NAT16: variants seen among roughly 807,000 people sequenced by gnomAD.
NAT16 encodes the protein N-acetyltransferase 16 (putative).
Under a neutral mutation model 15.9 loss-of-function variants are expected in NAT16, and 16 were observed. That is an observed-to-expected ratio of 1.01 (90% confidence interval 0.68 to 1.53). The LOEUF is 1.53. Among genes scored for constraint, NAT16 ranks in the 40% most tolerant of loss-of-function variants. The pLI, the probability that NAT16 is intolerant of heterozygous loss-of-function variation, is 0.00. For missense variants in NAT16, 572 were observed against 508.4 expected (o/e 1.13, Z -1.20); for synonymous variants, 260 against 241.9 (o/e 1.07, Z -0.69).
chr7:101,172,377 C>A lies in NAT16; in HGVS notation c.812G>T (p.Arg271Leu). The A allele has an allele frequency of 1.3e-6, 2 of 1,570,472 alleles. No homozygotes were observed. Among genetic ancestry groups the A allele is most frequent in the Non-Finnish European group, 1.7e-6 (2 of 1,161,228 alleles). The change falls in exon 4 of 4, where the codon CGC (arginine) becomes CTC (leucine). Residue 271 changes from arginine to leucine, a missense_variant. Arg to Leu is a moderately radical substitution (Grantham distance 102). Transcript: ENST00000300303. This position sits in a 1 kb window ranked among gnomAD's most constrained non-coding sequence, Gnocchi z 4.2. The stretch of plus-strand genomic sequence containing the variant: ...CAGCGTGAGCACGCGCGGGCGCGCG[C>A]GGCTGTCCACGCGCCACTCCAGGCC... ...AKGLEWRVDS[R>L]ARPRVLTLCT...
At position 101,172,410 on chromosome 7, in the gene NAT16, GC is replaced by G; in HGVS notation, c.778del (p.Ala260ArgfsTer97). On this transcript the variant is annotated frameshift_variant, in exon 4 of 4. Coordinates refer to ENST00000300303, the MANE Select transcript of NAT16 (RefSeq NM_198571.3). LOFTEE classifies it low-confidence loss of function (END_TRUNC). This position sits in a 1 kb window ranked among gnomAD's most constrained non-coding sequence, Gnocchi z 4.2. ...CACGCGCCACTCCAGGCCCTTGGCC[GC>G]CAGCAGGCGCAGGTTGCTTTCGCTA... ...RPSESNLRLL[A>X]AKGLEWRVDS... 6.3e-7 allele frequency: 1 copy of G among 1,578,604 alleles called. No individual in the cohort carries two copies. The highest frequency in any genetic ancestry group is 8.6e-7 in the Non-Finnish European group (1 of 1,165,392).
chr7:101,178,889 CAAA>C lies in NAT16; in HGVS notation c.-5+1150_-5+1152del, dbSNP rs71126381. On this transcript the variant is annotated intron_variant, in intron 1 of 3. Transcript: ENST00000300303. ...CTGGGCAACAAGAGTGAAACGCTGT[CAAA>C]AAAAAAAAAAAAAAAAAAGAGGAAT... 2.0e-3 allele frequency among the ~76,000 whole-genome samples: 126 copies of C among 62,088 alleles called. 1 individual carries two copies. Among genetic ancestry groups the C allele is most frequent in the African/African-American group, 9.4e-3 (113 of 12,084 alleles). 40.7% of individuals were successfully genotyped at this position (62,088 alleles called of 152,430 possible). A position where few individuals can be genotyped will look rare whatever the true frequency, so the allele number is the denominator to read the frequency against.
At position 101,174,705 on chromosome 7, in the gene NAT16, C is replaced by T; in HGVS notation, c.103G>A (p.Glu35Lys). 6.2e-7 allele frequency: 1 copy of T among 1,613,340 alleles called. No individual in the cohort carries two copies. The highest frequency in any genetic ancestry group is 1.1e-5 in the South Asian group (1 of 91,086). Residue 35 changes from glutamate to lysine, a missense_variant, in exon 2 of 4, where the codon GAG becomes AAG. By Grantham distance (56) the Glu-to-Lys change is moderately conservative. Transcript: ENST00000300303. ...AEPSSETRPQ[E>K]VEAEPRSGSG... Reference sequence around the variant, plus strand: ...CCCGACCTGGGCTCGGCCTCCACCTCCTGTGGCCGGGTTTCAGAGCTTGGC... The same window carrying T: ...CCCGACCTGGGCTCGGCCTCCACCTTCTGTGGCCGGGTTTCAGAGCTTGGC...
intron 3 of NAT16, among the ~76,000 whole-genome samples, chr7:101,173,082 A>C (rs1311918743): frequency 1.3e-5 from 2 of 152,048 alleles, no homozygotes; most frequent in African/African-American, 4.8e-5. Flanking sequence ...GTTGGGAAGT[A>C]AGGACTAGGG....
At position 101,171,694 on chromosome 7, in the gene NAT16, GA is replaced by G. The variant is rs1797324683; in HGVS notation, c.*384del. On this transcript the variant is annotated 3_prime_UTR_variant, in exon 4 of 4. Coordinates refer to ENST00000300303, the MANE Select transcript of NAT16 (RefSeq NM_198571.3). ...GAGTTCTTCCACCCACGAGGGGGCA[GA>G]AGGGAGAAGCCAGGAAAGGGGGAGT... is the stretch of plus-strand genomic sequence containing the variant. The G allele has an allele frequency of 5.2e-6, 1 of 194,014 alleles. No homozygotes were observed. The highest frequency in any genetic ancestry group is 1.0e-5 in the Non-Finnish European group (1 of 95,910). The allele number at this position is 194,014 out of a possible 1,614,324, so 12.0% of individuals were successfully genotyped here.
At chr7:101,175,636 A>C (rs1035962472) in intron 1 of NAT16, among the ~76,000 whole-genome samples, 1 of 128,794 alleles carries the variant, frequency 7.8e-6, no homozygotes, top group African/African-American at 2.6e-5. Context: ...AAAAAAAAAA[A>C]GAAGAAGAAG....
intron 2 of NAT16, 173 bp downstream of exon 2, chr7:101,174,323 G>C: frequency 2.4e-6 from 2 of 828,050 alleles, no homozygotes; most frequent in South Asian, 3.7e-5. Context: ...CACCCTCACT[G>C]ACATAGCCCC....
Position 101,172,752 on chromosome 7 carries a change from G to T in NAT16, c.538-101C>A, listed in dbSNP as rs116366199. 391 of 977,560 alleles carry T rather than the reference G, an allele frequency of 4.0e-4. No homozygotes were observed. In the African/African-American group the frequency reaches 4.6e-3, roughly 11 times the overall value. The allele number at this position is 977,560 out of a possible 1,614,324, so 60.6% of individuals were successfully genotyped here. On this transcript the variant is annotated intron_variant, in intron 3 of 3. Transcript: ENST00000300303. This position sits in a 1 kb window ranked among gnomAD's most constrained non-coding sequence, Gnocchi z 4.2. ...CTTCACTCCCACGTTCACGCCCACGGGCTCCCACCTGGGTCCCTCTGGAGG... is the reference window on the plus strand; with the variant it reads ...CTTCACTCCCACGTTCACGCCCACGTGCTCCCACCTGGGTCCCTCTGGAGG...
intron 1 of NAT16, among the ~76,000 whole-genome samples, chr7:101,179,503 G>T (rs1797545010): frequency 6.6e-6 from 1 of 150,678 alleles, no homozygotes; most frequent in African/African-American, 2.4e-5. Context: ...GGAAAAGAAA[G>T]TCAGAAAAAA....
At chr7:101,178,598 C>A (rs916739670) in intron 1 of NAT16, among the ~76,000 whole-genome samples, 2 of 149,336 alleles carry the variant, frequency 1.3e-5, no homozygotes, top group Non-Finnish European at 3.0e-5. Flanking sequence ...CTTGGCCGGG[C>A]GTGGTGGCTC....
Position 101,172,590 on chromosome 7 carries a change from G to GCCAGCCGCGCGC in NAT16, c.587_598dup (p.Gly196_Leu199dup). ...GAAGGTGCCAGAGGTCCGCAGCGCC[G>GCCAGCCGCGCGC]CCAGCCGCGCGCCCAGCCCGGCCAG... is the stretch of plus-strand genomic sequence containing the variant. On this transcript the variant is annotated inframe_insertion, in exon 4 of 4. Transcript: ENST00000300303. The surrounding 1 kb of genome is among the most constrained non-coding windows in gnomAD (Gnocchi z 4.2). 6.5e-7 allele frequency: 1 copy of GCCAGCCGCGCGC among 1,527,428 alleles called. No homozygotes were observed. Among genetic ancestry groups the GCCAGCCGCGCGC allele is most frequent in the Non-Finnish European group, 8.7e-7 (1 of 1,146,024 alleles). The allele number at this position is 1,527,428 out of a possible 1,614,324, so 94.6% of individuals were successfully genotyped here.
At chr7:101,179,843 G>C (rs538081020) in intron 1 of NAT16, among the ~76,000 whole-genome samples, 199 bp downstream of exon 1, 30 of 151,928 alleles carry the variant, frequency 2.0e-4, no homozygotes, top group African/African-American at 5.3e-4. Context: ...GGCAACAGAG[G>C]GGGGCGGGGG....
At chr7:101,175,505 A>G (rs2116730507) in intron 1 of NAT16, among the ~76,000 whole-genome samples, 1 of 150,486 alleles carries the variant, frequency 6.6e-6, no homozygotes, top group East Asian at 2.0e-4. Context: ...AGCTCTACCC[A>G]CCCCACTCTT....
intron 1 of NAT16, 80 bp from the exon 2 acceptor site, chr7:101,174,891 A>T: frequency 6.8e-7 from 1 of 1,467,270 alleles, no homozygotes; most frequent in South Asian, 1.5e-5. Context: ...AACGGTCCTA[A>T]TGCCCCTTCC....
chr7:101,172,211 G>T lies in NAT16; in HGVS notation c.978C>A (p.Gly326=). The change falls in exon 4 of 4, where the codon GGC becomes GGA. Residue 326 remains glycine (G), a synonymous_variant. Coordinates refer to ENST00000300303, the MANE Select transcript of NAT16 (RefSeq NM_198571.3). This position sits in a 1 kb window ranked among gnomAD's most constrained non-coding sequence, Gnocchi z 4.2. ...GGAAGAGCTGGCACATGACGTTGAG[G>T]CCAACGAGGCGCGGGGCCTGGCGCT... The part of the protein sequence containing the change: ...HLQRQAPRLV[G]LNVMCQLFLE... 6.2e-7 allele frequency: 1 copy of T among 1,613,734 alleles called. No homozygotes were observed. The highest frequency in any genetic ancestry group is 8.5e-7 in the Non-Finnish European group (1 of 1,179,870).
Position 101,174,486 on chromosome 7 carries a change from C to G in NAT16, c.312+10G>C. 1 of 1,605,376 alleles carries G rather than the reference C, an allele frequency of 6.2e-7. No individual in the cohort carries two copies. Among genetic ancestry groups the G allele is most frequent in the Non-Finnish European group, 8.5e-7 (1 of 1,176,458 alleles). On this transcript the variant is annotated intron_variant, in intron 2 of 3. Transcript: ENST00000300303. Reference sequence around the variant, plus strand: ...ACCCCATGTCACCTGGGCCGTGCCCCCGGGCTCACCACGCCTCCGTTGCGC... The same window carrying G: ...ACCCCATGTCACCTGGGCCGTGCCCGCGGGCTCACCACGCCTCCGTTGCGC...
chr7:101,179,473 T>C (rs1584226546), intron 1 of NAT16, among the ~76,000 whole-genome samples: 1 of 124,778 alleles, frequency 8.0e-6, no homozygotes, highest in Non-Finnish European at 1.7e-5. Flanking sequence ...CGGGGATCCG[T>C]GGAGGGGAAG....
chr7:101,174,510 G>C lies in NAT16; in HGVS notation c.298C>G (p.Arg100Gly). Residue 100 changes from arginine (R) to glycine (G), a missense_variant, in exon 2 of 4, where the codon CGC becomes GGC. Transcript: ENST00000300303. ...CCCGGGCTCACCACGCCTCCGTTGC[G>C]CTTGGCCAGCACCACCGTGCGGTCG... ...DPDRTVVLAKRNGGVIALESV... is the reference protein window; with the variant it reads ...DPDRTVVLAKGNGGVIALESV... The C allele has an allele frequency of 1.2e-6, 2 of 1,612,470 alleles. No individual in the cohort carries two copies. Among genetic ancestry groups the C allele is most frequent in the Non-Finnish European group, 1.7e-6 (2 of 1,179,426 alleles).
chr7:101,172,184 C>T lies in NAT16; in HGVS notation c.1005G>A (p.Leu335=), dbSNP rs753093067. The change falls in exon 4 of 4, where the codon CTG becomes CTA. Residue 335 remains leucine, a synonymous_variant. Transcript: ENST00000300303. This position sits in a 1 kb window ranked among gnomAD's most constrained non-coding sequence, Gnocchi z 4.2. ...VGLNVMCQLF[L]EPQLWSQLAD... ...CCAGCTGTGACCACAGCTGGGGCTC[C>T]AGGAAGAGCTGGCACATGACGTTGA... 1 of 1,613,922 alleles carries T rather than the reference C, an allele frequency of 6.2e-7. No individual in the cohort carries two copies.
Sources: allele counts gnomAD v4.1 joint callset (sites outside exome capture counted in the v4.1 genomes callset), GRCh38; gene constraint gnomAD v4.1.1; non-coding constraint Gnocchi (gnomAD v3.1); transcripts MANE v1.5; gene names NCBI Gene and HGNC (gene_info 2026-07-23, HGNC 2026-07-21).